The following DNAH14 variants were observed in gnomAD, a reference collection of about 807,000 sequenced individuals.
The protein encoded by DNAH14 is axonemal beta dynein heavy chain 14.
DNAH14 carries 478 observed loss-of-function variants against 520.9 expected under a neutral mutation model. The ratio of observed to expected loss-of-function variants is 0.92; its 90% CI spans 0.85 to 0.99. DNAH14 has a LOEUF of 0.99. DNAH14 is among the 50% of genes least tolerant of loss of function. The probability of loss-of-function intolerance (pLI) is 0.00; values close to 1 mark genes in which losing one functional copy is unlikely to be tolerated. For missense variants in DNAH14, 4,831 were observed against 5,234.5 expected (o/e 0.92, Z 2.38); for synonymous variants, 1,581 against 1,757.2 (o/e 0.90, Z 2.51).
chr1:225,162,201 G>A (rs2081580859), intron 35 of DNAH14, among the ~76,000 whole-genome samples: 1 of 151,992 alleles, frequency 6.6e-6, no homozygotes, highest in Admixed American at 6.6e-5. Context: ...AAGAGATAGG[G>A]GTCTAGTTTC....
intron 7 of DNAH14, among the ~76,000 whole-genome samples, chr1:224,972,367 G>T (rs1201698961): frequency 6.6e-6 from 1 of 151,806 alleles, no homozygotes; most frequent in Non-Finnish European, 1.5e-5. Flanking sequence ...GCAGTGGTGC[G>T]ATCTCGGCTC....
rs142093308 is a variant in DNAH14, at chr1:225,286,131, A to G, written c.8272-3754A>G. Among the ~76,000 whole-genome samples the G allele has an allele frequency of 9.2e-5, 14 of 152,340 alleles. No individual in the cohort carries two copies. The East Asian group carries it at 2.3e-3, about 25-fold the overall frequency. On this transcript the variant is annotated intron_variant, in intron 54 of 85. Coordinates refer to ENST00000682510, the MANE Select transcript of DNAH14 (RefSeq NM_001367479.1). ...ACTCACAGAAGTAGAGAGTAGAATT[A>G]TGGGTATTAGAGGCCAGGAAGGGGA...
At chr1:225,056,722 G>C (rs1487753194) in intron 17 of DNAH14, among the ~76,000 whole-genome samples, 2 of 152,114 alleles carry the variant, frequency 1.3e-5, no homozygotes, top group African/African-American at 2.4e-5. Flanking sequence ...GTGTAAGGAA[G>C]GGATCCAGTT....
chr1:224,931,489 A>G (rs1454752769), intron 1 of DNAH14, among the ~76,000 whole-genome samples: 15 of 152,132 alleles, frequency 9.9e-5, no homozygotes, highest in Non-Finnish European at 1.9e-4. Flanking sequence ...TGTTAAGTAC[A>G]TTTTACTCCA....
intron 60 of DNAH14, among the ~76,000 whole-genome samples, chr1:225,314,116 G>A (rs1377809106): frequency 6.6e-6 from 1 of 152,144 alleles, no homozygotes; most frequent in African/African-American, 2.4e-5. Flanking sequence ...ATGAATCTGG[G>A]TGCTCCTGTA....
intron 65 of DNAH14, 122 bp from the exon 66 acceptor site, chr1:225,333,169 C>A: frequency 1.3e-6 from 1 of 764,250 alleles, no homozygotes; most frequent in Non-Finnish European, 2.0e-6. Flanking sequence ...TTTGATACAG[C>A]CACAGCTTGA....
intron 68 of DNAH14, among the ~76,000 whole-genome samples, chr1:225,339,350 A>G (rs895744506): frequency 2.0e-5 from 3 of 152,112 alleles, no homozygotes; most frequent in African/African-American, 7.2e-5. Flanking sequence ...CATTAATAAA[A>G]CAGTTTCCAA....
In DNAH14 at chr1:225,374,823, C is replaced by G. The variant is rs1003340951; in HGVS notation, c.12454C>G (p.Leu4152Val). Residue 4152 changes from leucine to valine, a missense_variant, in exon 78 of 86, where the codon CTA becomes GTA. Leu to Val is a conservative substitution (Grantham distance 32). Coordinates refer to ENST00000682510, the MANE Select transcript of DNAH14 (RefSeq NM_001367479.1). ...TTGGGACAAGCGATGCTTGAAGACC[C>G]TACTCTACAAATTTTGTAATCCTGA... ...DNWDKRCLKT[L>V]LYKFCNPEVL... The G allele has an allele frequency of 1.2e-5, 19 of 1,551,346 alleles. No homozygotes were observed. The highest frequency in any genetic ancestry group is 1.7e-5 in the Non-Finnish European group (19 of 1,146,868).
chr1:225,374,145 C>CTATATATATATATGTATATATA (rs1272949431), intron 77 of DNAH14, among the ~76,000 whole-genome samples: 2 of 33,056 alleles, frequency 6.1e-5, no homozygotes, highest in African/African-American at 2.7e-4. Context: ...TTGTGTCTTA[C>CTATATATATATATGTATATATA]TATATATATA....
chr1:225,216,864 T>C (rs942257205), intron 41 of DNAH14, among the ~76,000 whole-genome samples: 2 of 152,170 alleles, frequency 1.3e-5, no homozygotes, highest in Non-Finnish European at 1.5e-5. Flanking sequence ...CTCAGAGAAG[T>C]TTGTTATTAC....
intron 54 of DNAH14, among the ~76,000 whole-genome samples, chr1:225,284,467 G>C (rs1369673046): frequency 6.6e-6 from 1 of 152,092 alleles, no homozygotes; most frequent in Non-Finnish European, 1.5e-5. Context: ...TAATAGAGCA[G>C]TAACAAATAA....
intron 21 of DNAH14, among the ~76,000 whole-genome samples, chr1:225,093,476 C>T (rs1331256028): frequency 6.6e-6 from 1 of 152,086 alleles, no homozygotes; most frequent in African/African-American, 2.4e-5. Context: ...TTTCAAGGAA[C>T]ATACTTCAAA....
intron 5 of DNAH14, among the ~76,000 whole-genome samples, chr1:224,965,183 C>T (rs1234001271): frequency 6.6e-6 from 1 of 152,026 alleles, no homozygotes; most frequent in African/African-American, 2.4e-5. Flanking sequence ...ATTACAGGTG[C>T]TCTAAGATTG....
chr1:225,125,626 A>G (rs2077655881), intron 27 of DNAH14, among the ~76,000 whole-genome samples: 1 of 152,222 alleles, frequency 6.6e-6, no homozygotes, highest in Non-Finnish European at 1.5e-5. Context: ...TCTTAAGGAA[A>G]TGTTATGGCT....
chr1:224,979,769 A>G (rs1413907221), intron 8 of DNAH14, among the ~76,000 whole-genome samples: 3 of 152,102 alleles, frequency 2.0e-5, no homozygotes, highest in Admixed American at 6.6e-5. Context: ...ACTAAAGAGG[A>G]CTTTGACTTT....
intron 44 of DNAH14, among the ~76,000 whole-genome samples, chr1:225,253,384 C>T (rs608979): frequency 0.2 from 30,108 of 152,016 alleles, 3,126 homozygotes; most frequent in East Asian, 0.37. Context: ...AACATTACTT[C>T]CTCTGGCTGC....
At chr1:225,253,151 C>A (rs1412196242) in intron 44 of DNAH14, among the ~76,000 whole-genome samples, 1 of 152,122 alleles carries the variant, frequency 6.6e-6, no homozygotes, top group Non-Finnish European at 1.5e-5. Context: ...GTTGGAAATG[C>A]CAAGACTATT....
intron 41 of DNAH14, among the ~76,000 whole-genome samples, chr1:225,212,774 A>G (rs1254051223): frequency 6.6e-6 from 1 of 152,006 alleles, no homozygotes; most frequent in East Asian, 1.9e-4. Context: ...TTTCTTGTAA[A>G]TTCGTTTAAC....
chr1:224,961,524 AC>A (rs1342682611), intron 4 of DNAH14, among the ~76,000 whole-genome samples: 1 of 152,116 alleles, frequency 6.6e-6, no homozygotes, highest in African/African-American at 2.4e-5. Flanking sequence ...AGAAGCAGGC[AC>A]CTTCTTCACA....
Sources: gnomAD v4.1 joint callset for allele counts (sites outside exome capture counted in the v4.1 genomes callset) on GRCh38, gnomAD v4.1.1 for gene constraint, MANE v1.5 for transcripts, NCBI Gene and HGNC (gene_info 2026-07-23, HGNC 2026-07-21) for gene names.